Variants in PPP3CA observed in about 807,000 individuals in gnomAD.
The protein encoded by PPP3CA is CAM-PRP catalytic subunit.
A neutral mutation model predicts 66.5 loss-of-function variants in PPP3CA; 14 were observed. The observed-to-expected ratio is 0.21, with a 90% CI of 0.14 to 0.33. The LOEUF is 0.33. PPP3CA is among the 10% of genes least tolerant of loss of function. PPP3CA has a pLI of 1.00. For missense variants in PPP3CA, 317 were observed against 639.5 expected, an observed-to-expected ratio of 0.50 and a Z score of 5.44; for synonymous variants, 232 against 226.2, an observed-to-expected ratio of 1.03 and a Z score of -0.23.
At chr4:101,303,096 A>G (rs1728429393) in intron 1 of PPP3CA, among the ~76,000 whole-genome samples, 1 of 152,228 alleles carries the variant, frequency 6.6e-6, no homozygotes, top group Non-Finnish European at 1.5e-5. Context: ...GACTACGTCA[A>G]AATGCGAGGG....
chr4:101,327,871 C>A (rs1729254607), intron 1 of PPP3CA, among the ~76,000 whole-genome samples: 1 of 152,088 alleles, frequency 6.6e-6, no homozygotes, highest in Non-Finnish European at 1.5e-5. Flanking sequence ...ACAAAACACT[C>A]TAGTTGTATG....
At chr4:101,342,117 G>C (rs963310271) in intron 1 of PPP3CA, among the ~76,000 whole-genome samples, 3 of 151,982 alleles carry the variant, frequency 2.0e-5, no homozygotes, top group Admixed American at 1.3e-4. Flanking sequence ...AAAACAAAGA[G>C]ACAAATAGAT....
intron 1 of PPP3CA, among the ~76,000 whole-genome samples, chr4:101,203,278 C>T (rs1193414304): frequency 6.6e-6 from 1 of 152,106 alleles, no homozygotes; most frequent in African/African-American, 2.4e-5. Context: ...GGGCGGATCA[C>T]GAGGTCAAGA....
chr4:101,214,971 C>T (rs981723091), intron 1 of PPP3CA, among the ~76,000 whole-genome samples: 1 of 151,954 alleles, frequency 6.6e-6, no homozygotes, highest in Admixed American at 6.6e-5. Flanking sequence ...GTTAGGGAAA[C>T]ACTATTCACT....
chr4:101,117,442 A>ATTCTTTT (rs58221523), intron 2 of PPP3CA, among the ~76,000 whole-genome samples: 1 of 148,488 alleles, frequency 6.7e-6, no homozygotes, highest in Non-Finnish European at 1.5e-5. Flanking sequence ...CACCACTGAG[A>ATTCTTTT]TTTTTTTTTG....
intron 10 of PPP3CA, among the ~76,000 whole-genome samples, chr4:101,048,601 G>GA (rs1054091765): frequency 6.2e-5 from 9 of 144,316 alleles, no homozygotes; most frequent in Non-Finnish European, 1.4e-4. Flanking sequence ...GACAACAAGT[G>GA]AAAAAAATCC....
intron 3 of PPP3CA, among the ~76,000 whole-genome samples, chr4:101,104,107 C>A (rs1238217789): frequency 6.6e-6 from 1 of 151,948 alleles, no homozygotes; most frequent in East Asian, 1.9e-4. Context: ...ATAAATATAC[C>A]CAGCAGAGAC....
intron 2 of PPP3CA, among the ~76,000 whole-genome samples, chr4:101,165,322 A>G (rs1236162733): frequency 6.6e-6 from 1 of 152,198 alleles, no homozygotes; most frequent in Admixed American, 6.5e-5. Flanking sequence ...TTTCCCAAAC[A>G]TTGAAAAATG....
At chr4:101,047,232 C>A (rs987777510) in intron 10 of PPP3CA, among the ~76,000 whole-genome samples, 1 of 152,052 alleles carries the variant, frequency 6.6e-6, no homozygotes, top group Non-Finnish European at 1.5e-5. Flanking sequence ...CACCACCAGG[C>A]GCTTGAGTCC....
At chr4:101,060,113 G>T (rs962375083) in intron 10 of PPP3CA, among the ~76,000 whole-genome samples, 1 of 151,968 alleles carries the variant, frequency 6.6e-6, no homozygotes, top group African/African-American at 2.4e-5. Context: ...TTTGAGATGG[G>T]ATCTTGCTCT....
At chr4:101,124,701 GAAAGAAAGAAAGAAAGAAAGAAAGAGAA>G (rs1560614306) in intron 2 of PPP3CA, among the ~76,000 whole-genome samples, 11 of 94,436 alleles carry the variant, frequency 1.2e-4, no homozygotes, top group East Asian at 8.8e-4. Context: ...AAGAAAGAAA[GAAAGAAAGAAAGAAAGAAAGAAAGAGAA>G]AGAAAGAAAG....
intron 1 of PPP3CA, among the ~76,000 whole-genome samples, chr4:101,219,362 C>T (rs1725554092): frequency 6.6e-6 from 1 of 151,826 alleles, no homozygotes. Flanking sequence ...AAGTAAAGCT[C>T]TAGTATATTA....
chr4:101,159,956 A>G (rs1355514619), intron 2 of PPP3CA, among the ~76,000 whole-genome samples: 1 of 152,150 alleles, frequency 6.6e-6, no homozygotes, highest in Non-Finnish European at 1.5e-5. Flanking sequence ...AACGTGAACT[A>G]TCTATAAAAT....
chr4:101,074,287 C>T (rs1228837352), intron 8 of PPP3CA, among the ~76,000 whole-genome samples: 2 of 152,096 alleles, frequency 1.3e-5, no homozygotes, highest in Non-Finnish European at 2.9e-5. Flanking sequence ...TTCGGAGACC[C>T]CTCATCTCCC....
intron 1 of PPP3CA, among the ~76,000 whole-genome samples, chr4:101,304,471 A>C (rs1728475617): frequency 6.6e-6 from 1 of 152,188 alleles, no homozygotes; most frequent in Admixed American, 6.5e-5. Context: ...GTACAAGGAC[A>C]ATATTCCCTG....
intron 1 of PPP3CA, among the ~76,000 whole-genome samples, chr4:101,331,471 A>G (rs1270382628): frequency 1.3e-5 from 2 of 152,204 alleles, no homozygotes; most frequent in African/African-American, 4.8e-5. Flanking sequence ...GATCAACTGG[A>G]TAAGACCCTG....
rs1157597040 is a variant in PPP3CA, at chr4:101,088,718, T to C, written c.782+5058A>G. ...AAAAAGATACCCATGAATGGAACAG[T>C]ATGCATTGGGTAGAGGGAAGAGGGA... On this transcript the variant is annotated intron_variant, in intron 6 of 13. Coordinates refer to ENST00000394854, the MANE Select transcript of PPP3CA (RefSeq NM_000944.5). Among the ~76,000 whole-genome samples, 2 of 150,748 alleles carry C rather than the reference T, an allele frequency of 1.3e-5. 1 individual carries two copies. The highest frequency in any genetic ancestry group is 4.2e-4 in the South Asian group (2 of 4,762).
intron 1 of PPP3CA, among the ~76,000 whole-genome samples, chr4:101,273,580 C>G (rs1028942711): frequency 2.6e-5 from 4 of 152,194 alleles, no homozygotes; most frequent in Non-Finnish European, 5.9e-5. Flanking sequence ...CCACCTCGGC[C>G]TCCCAAAGTG....
At chr4:101,029,355 AAAAAAAAAAAAAAAAAAG>A (rs1224109633) in intron 12 of PPP3CA, among the ~76,000 whole-genome samples, 160 bp from the exon 13 acceptor site, 1 of 103,994 alleles carries the variant, frequency 9.6e-6, no homozygotes, top group Non-Finnish European at 2.3e-5. Context: ...GCTAAAAAAA[AAAAAAAAAAAAAAAAAAG>A]AAAAAAAATG....
Sources: allele counts gnomAD v4.1 joint callset (sites outside exome capture counted in the v4.1 genomes callset), GRCh38; gene constraint gnomAD v4.1.1; transcripts MANE v1.5; gene names NCBI Gene and HGNC (gene_info 2026-07-23, HGNC 2026-07-21).